Variants in NPY2R observed in about 807,000 individuals in gnomAD.
The protein encoded by NPY2R is neuropeptide Y receptor Y2, also known as neuropeptide Y receptor type 2.
A neutral mutation model predicts 22.3 loss-of-function variants in NPY2R; 17 were observed. That is an observed-to-expected ratio of 0.76 (90% CI 0.52 to 1.14). The LOEUF (loss-of-function observed/expected upper bound fraction) is 1.14. Ranked by LOEUF, NPY2R falls within the 50% of genes most tolerant of loss-of-function variation. The probability of loss-of-function intolerance (pLI) is 0.00; values close to 1 mark genes in which losing one functional copy is unlikely to be tolerated. For synonymous variants in NPY2R, 209 were observed against 183.4 expected (o/e 1.14, Z -1.13); for missense variants, 424 against 467.9 (o/e 0.91, Z 0.87).
chr4:155,213,431 C>T (rs1729445527), intron 1 of NPY2R, among the ~76,000 whole-genome samples: 1 of 152,106 alleles, frequency 6.6e-6, no homozygotes. Flanking sequence ...ATATGTTCCC[C>T]TTTCTTATAC....
chr4:155,214,089 A>G lies in NPY2R; in HGVS notation c.150A>G (p.Gln50=), dbSNP rs1729459502. ...ATAGTACCAAGCTGATTGAGGTACA[A>G]GTTGTTCTCATATTGGCCTACTGCT... ...LIDSTKLIEV[Q]VVLILAYCSI... Residue 50 remains glutamine, a synonymous_variant, in exon 2 of 2, where the codon CAA becomes CAG. Coordinates refer to ENST00000329476, the MANE Select transcript of NPY2R (RefSeq NM_000910.4). The G allele has an allele frequency of 6.2e-7, 1 of 1,614,016 alleles. No individual in the cohort carries two copies. The highest frequency in any genetic ancestry group is 1.7e-5 in the Admixed American group (1 of 60,014).
rs201834148 is a variant in NPY2R, at chr4:155,214,661, G to T, written c.722G>T (p.Arg241Leu). ...GGCATTATATCATTTTCCTACACTC[G>T]CATTTGGAGTAAATTGAAGAACCAT... ...PLGIISFSYT[R>L]IWSKLKNHVS... The change falls in exon 2 of 2, where the codon CGC becomes CTC. Residue 241 changes from arginine to leucine, a missense_variant. Transcript: ENST00000329476. The T allele has an allele frequency of 2.0e-5, 33 of 1,614,110 alleles. No homozygotes were observed. Among genetic ancestry groups the T allele is most frequent in the Middle Eastern group, 1.6e-4 (1 of 6,062 alleles).
chr4:155,189,183 T>C, the NPY2R span, among the ~76,000 whole-genome samples: 5 of 152,096 alleles, frequency 3.3e-5, no homozygotes, highest in East Asian at 7.7e-4. Context: ...TTTTGTGTGC[T>C]TTAAACCTCT....
the NPY2R span, among the ~76,000 whole-genome samples, chr4:155,182,349 A>G: frequency 6.6e-6 from 1 of 152,168 alleles, no homozygotes; most frequent in Non-Finnish European, 1.5e-5. Context: ...CCTAAAAGCA[A>G]TATGCATCTG....
intron 1 of NPY2R, among the ~76,000 whole-genome samples, chr4:155,209,736 C>A (rs113042244): frequency 6.6e-6 from 1 of 152,006 alleles, no homozygotes; most frequent in Non-Finnish European, 1.5e-5. Flanking sequence ...AAATGCAGGG[C>A]TTTTGATTTC....
chr4:155,204,128 T>A (rs1169530749), upstream of NPY2R, among the ~76,000 whole-genome samples: 4 of 151,826 alleles, frequency 2.6e-5, no homozygotes, highest in African/African-American at 7.3e-5. Flanking sequence ...GTTCTGTCTG[T>A]GGCTTAAGTC....
intron 1 of NPY2R, among the ~76,000 whole-genome samples, chr4:155,213,420 A>C (rs1286350963): frequency 6.6e-6 from 1 of 152,218 alleles, no homozygotes; most frequent in Admixed American, 6.5e-5. Flanking sequence ...AAATAGTTTT[A>C]ATATGTTCCC....
At chr4:155,188,487 C>G in the NPY2R span, among the ~76,000 whole-genome samples, 7 of 152,092 alleles carry the variant, frequency 4.6e-5, no homozygotes, top group African/African-American at 1.7e-4. Context: ...TATAAATCCC[C>G]CATCTTGAGT....
the NPY2R span, among the ~76,000 whole-genome samples, chr4:155,200,642 G>A: frequency 6.6e-6 from 1 of 152,120 alleles, no homozygotes; most frequent in South Asian, 2.1e-4. Flanking sequence ...AGAAAATGTG[G>A]TACATATACA....
chr4:155,196,451 T>G, the NPY2R span, among the ~76,000 whole-genome samples: 3 of 151,952 alleles, frequency 2.0e-5, no homozygotes, highest in Non-Finnish European at 4.4e-5. Flanking sequence ...GATATAATCA[T>G]GGGCTCAACG....
At chr4:155,196,969 C>T in the NPY2R span, among the ~76,000 whole-genome samples, 1 of 151,878 alleles carries the variant, frequency 6.6e-6, no homozygotes, top group Non-Finnish European at 1.5e-5. Context: ...TTCCACACTT[C>T]ACTTTTCCAG....
At chr4:155,178,028 T>A in the NPY2R span, among the ~76,000 whole-genome samples, 8 of 152,304 alleles carry the variant, frequency 5.3e-5, no homozygotes, top group African/African-American at 1.9e-4. Flanking sequence ...AACAGTCTAA[T>A]TTTAGTTATA....
chr4:155,194,807 C>T, the NPY2R span, among the ~76,000 whole-genome samples: 1 of 151,876 alleles, frequency 6.6e-6, no homozygotes, highest in Non-Finnish European at 1.5e-5. Context: ...TGAGAAATCT[C>T]CATACTGCTT....
At chr4:155,188,488 C>T in the NPY2R span, among the ~76,000 whole-genome samples, 16 of 152,084 alleles carry the variant, frequency 1.1e-4, no homozygotes, top group Admixed American at 2.0e-4. Context: ...ATAAATCCCC[C>T]ATCTTGAGTA....
the NPY2R span, among the ~76,000 whole-genome samples, chr4:155,185,838 A>G: frequency 6.6e-6 from 1 of 152,176 alleles, no homozygotes; most frequent in African/African-American, 2.4e-5. Flanking sequence ...AAGAAAGCAT[A>G]AAAGGCAGTC....
At chr4:155,181,315 C>A in the NPY2R span, among the ~76,000 whole-genome samples, 1 of 152,120 alleles carries the variant, frequency 6.6e-6, no homozygotes, top group African/African-American at 2.4e-5. Flanking sequence ...TCCAAGAAAC[C>A]CTCACACATT....
At chr4:155,200,407 A>T in the NPY2R span, among the ~76,000 whole-genome samples, 3 of 152,100 alleles carry the variant, frequency 2.0e-5, no homozygotes, top group African/African-American at 7.2e-5. Flanking sequence ...ACTGTTTGGG[A>T]TTGTAAATTA....
chr4:155,213,343 G>T (rs1729443520), intron 1 of NPY2R, among the ~76,000 whole-genome samples: 1 of 152,120 alleles, frequency 6.6e-6, no homozygotes, highest in Non-Finnish European at 1.5e-5. Flanking sequence ...ACTAAATCCT[G>T]CACCAAAAAC....
chr4:155,198,228 G>A, the NPY2R span, among the ~76,000 whole-genome samples: 6 of 151,770 alleles, frequency 4.0e-5, no homozygotes, highest in African/African-American at 1.5e-4. Context: ...GGTTATCTGG[G>A]TTACATCAGT....
Sources: gnomAD v4.1 joint callset for allele counts (sites outside exome capture counted in the v4.1 genomes callset) on GRCh38, gnomAD v4.1.1 for gene constraint, MANE v1.5 for transcripts, NCBI Gene and HGNC (gene_info 2026-07-23, HGNC 2026-07-21) for gene names.